The following FBXO16 variants were observed in gnomAD, a reference collection of about 807,000 sequenced individuals.
FBXO16 encodes the protein F-box only protein 16.
FBXO16 carries 31 observed loss-of-function variants against 41.0 expected under a neutral mutation model. The observed-to-expected ratio is 0.76, with a 90% CI of 0.57 to 1.02. The LOEUF is 1.02. Ranked by LOEUF, FBXO16 falls within the 50% of genes least tolerant of loss-of-function variation. The pLI is 0.00. For missense variants in FBXO16, 361 were observed against 346.2 expected (o/e 1.04, Z -0.34); for synonymous variants, 133 against 117.8 (o/e 1.13, Z -0.84).
chr8:28,444,471 TTTTTC>T (rs1802829522), intron 7 of FBXO16, among the ~76,000 whole-genome samples: 2 of 146,890 alleles, frequency 1.4e-5, no homozygotes, highest in East Asian at 3.9e-4. Flanking sequence ...CCCGGCTAAT[TTTTTC>T]TTTTCTTTTT....
intron 7 of FBXO16, among the ~76,000 whole-genome samples, chr8:28,439,453 C>A (rs1188749298): frequency 1.3e-5 from 2 of 151,968 alleles, no homozygotes; most frequent in East Asian, 3.9e-4. Context: ...AAAATGAACA[C>A]CCGGCCGTGC....
chr8:28,435,916 CAG>C (rs1006966647), intron 7 of FBXO16, among the ~76,000 whole-genome samples: 1 of 152,194 alleles, frequency 6.6e-6, no homozygotes, highest in African/African-American at 2.4e-5. Flanking sequence ...CTGCTGCTAT[CAG>C]AGTGATGTGG....
At chr8:28,472,328 C>T (rs149592733) in intron 3 of FBXO16, among the ~76,000 whole-genome samples, 5,766 of 152,130 alleles carry the variant, frequency 0.038, 165 homozygotes, top group Non-Finnish European at 0.062. Context: ...CTCAAACTCC[C>T]GGCCTTAAGC....
At chr8:28,429,590 GC>G (rs543737570) in intron 7 of FBXO16, among the ~76,000 whole-genome samples, 187 bp from the exon 8 acceptor site, 168 of 151,238 alleles carry the variant, frequency 1.1e-3, no homozygotes, top group Middle Eastern at 6.8e-3. Context: ...CAAGCACAAT[GC>G]CCCCCCGTTA....
At chr8:28,470,487 G>A (rs939997529) in intron 3 of FBXO16, among the ~76,000 whole-genome samples, 9 of 152,272 alleles carry the variant, frequency 5.9e-5, no homozygotes, top group South Asian at 4.1e-4. Flanking sequence ...GGTTCAAAGC[G>A]TACGTGCATT....
chr8:28,441,505 G>A (rs549888126), intron 7 of FBXO16, among the ~76,000 whole-genome samples: 2 of 152,182 alleles, frequency 1.3e-5, no homozygotes, highest in Non-Finnish European at 2.9e-5. Context: ...GGAGGCCAAG[G>A]TGGGTGGATC....
At chr8:28,454,213 T>G (rs944743186) in intron 5 of FBXO16, among the ~76,000 whole-genome samples, 2 of 151,866 alleles carry the variant, frequency 1.3e-5, no homozygotes, top group Non-Finnish European at 1.5e-5. Context: ...ACATTTCATA[T>G]TTACATAATT....
chr8:28,465,390 A>G (rs1354851893), intron 3 of FBXO16: 2 of 451,556 alleles, frequency 4.4e-6, no homozygotes, highest in African/African-American at 4.0e-5. Flanking sequence ...TGGGAGGCAG[A>G]GGCAGGAGAA....
At chr8:28,446,217 T>C (rs1350866679) in intron 7 of FBXO16, among the ~76,000 whole-genome samples, 2 of 122,820 alleles carry the variant, frequency 1.6e-5, no homozygotes, top group African/African-American at 6.1e-5. Flanking sequence ...AGTCTCACGC[T>C]GTTGCCCAGC....
At chr8:28,467,729 C>G (rs535986771) in intron 3 of FBXO16, among the ~76,000 whole-genome samples, 1 of 152,094 alleles carries the variant, frequency 6.6e-6, no homozygotes, top group South Asian at 2.1e-4. Context: ...TGATTTAACA[C>G]GAATATAAAA....
chr8:28,476,464 A>G (rs555135323), intron 2 of FBXO16, among the ~76,000 whole-genome samples: 1 of 152,348 alleles, frequency 6.6e-6, no homozygotes, highest in Admixed American at 6.5e-5. Context: ...TTATAGTCTT[A>G]TACACCCTGG....
intron 2 of FBXO16, among the ~76,000 whole-genome samples, chr8:28,477,360 T>G (rs1803439340): frequency 6.6e-6 from 1 of 152,186 alleles, no homozygotes; most frequent in East Asian, 1.9e-4. Flanking sequence ...CTGGATACCT[T>G]TTGGCCAGCT....
intron 3 of FBXO16, among the ~76,000 whole-genome samples, chr8:28,467,443 T>C (rs1803262793): frequency 6.6e-6 from 1 of 152,174 alleles, no homozygotes; most frequent in African/African-American, 2.4e-5. Flanking sequence ...ACATCTACCT[T>C]GTAGGGTGGT....
At chr8:28,449,354 C>T (rs1488541448) in intron 6 of FBXO16, among the ~76,000 whole-genome samples, 2 of 129,552 alleles carry the variant, frequency 1.5e-5, no homozygotes, top group African/African-American at 6.0e-5. Flanking sequence ...CAGGGTCTTG[C>T]TCTGTCACCC....
chr8:28,450,572 T>A (rs1199680882), intron 6 of FBXO16, among the ~76,000 whole-genome samples: 1 of 152,216 alleles, frequency 6.6e-6, no homozygotes, highest in Non-Finnish European at 1.5e-5. Flanking sequence ...ATTTGTTTAA[T>A]CTTTGCACTA....
intron 2 of FBXO16, among the ~76,000 whole-genome samples, chr8:28,475,535 G>A (rs1165927925): frequency 1.3e-5 from 2 of 152,182 alleles, no homozygotes; most frequent in South Asian, 4.1e-4. Flanking sequence ...TTCAAATATT[G>A]TCTGAATTCT....
chr8:28,452,300 ATCTG>A lies in FBXO16; in HGVS notation c.680_683del (p.Thr227IlefsTer8). The stretch of plus-strand genomic sequence containing the variant: ...TGTCTAGGTAATTAAAACGAATGAT[ATCTG>A]TTGGGTGCTTATCAGAAGATCGCCA... On this transcript the variant is annotated frameshift_variant, in exon 6 of 9. Coordinates refer to ENST00000380254, the MANE Select transcript of FBXO16 (RefSeq NM_172366.4). LOFTEE classifies it high-confidence loss of function. 4.3e-6 allele frequency: 7 copies of A among 1,614,138 alleles called. No individual in the cohort carries two copies. The highest frequency in any genetic ancestry group is 5.9e-6 in the Non-Finnish European group (7 of 1,180,032).
chr8:28,480,580 T>C (rs1462025602), intron 2 of FBXO16, among the ~76,000 whole-genome samples: 3 of 152,136 alleles, frequency 2.0e-5, no homozygotes, highest in African/African-American at 7.2e-5. Context: ...CTTGACTCAC[T>C]GCAACCTCCA....
intron 3 of FBXO16, among the ~76,000 whole-genome samples, chr8:28,464,541 G>T (rs1803200390): frequency 6.6e-6 from 1 of 152,236 alleles, no homozygotes; most frequent in Non-Finnish European, 1.5e-5. Context: ...TTCACTGGAA[G>T]TCTTAATCTC....
Sources: gnomAD v4.1 joint callset for allele counts (sites outside exome capture counted in the v4.1 genomes callset) on GRCh38, gnomAD v4.1.1 for gene constraint, MANE v1.5 for transcripts, NCBI Gene and HGNC (gene_info 2026-07-23, HGNC 2026-07-21) for gene names.